DNAJC16: variants seen among roughly 807,000 people sequenced by gnomAD.
The protein encoded by DNAJC16 is DnaJ heat shock protein family (Hsp40) member C16.
Under a neutral mutation model 92.7 loss-of-function variants are expected in DNAJC16, and 76 were observed. That is an observed-to-expected ratio of 0.82 (90% CI 0.68 to 0.99). DNAJC16 has a LOEUF of 0.99. Among genes scored for constraint, DNAJC16 ranks in the 50% least tolerant of loss-of-function variants. DNAJC16 has a pLI of 0.00. For missense variants in DNAJC16, 869 were observed against 942.4 expected, an observed-to-expected ratio of 0.92 and a Z score of 1.02; for synonymous variants, 328 against 358.7, an observed-to-expected ratio of 0.91 and a Z score of 0.97.
chr1:15,528,952 C>A, intron 1 of DNAJC16, 136 bp from the exon 2 acceptor site: 1 of 648,228 alleles, frequency 1.5e-6, no homozygotes, highest in South Asian at 2.6e-5. Flanking sequence ...AGATACAGTT[C>A]AACAGCTTGA....
chr1:15,550,121 C>T lies in DNAJC16; in HGVS notation c.1023+1693C>T, dbSNP rs188318562. On this transcript the variant is annotated intron_variant, in intron 7 of 14. Transcript: ENST00000375847. ...CAAGGACAAAACTCAGAACAGCCACCGGCACACAAGACAAGGGGGTGCCTG... is the reference window on the plus strand; with the variant it reads ...CAAGGACAAAACTCAGAACAGCCACTGGCACACAAGACAAGGGGGTGCCTG... Among the ~76,000 whole-genome samples the T allele has an allele frequency of 1.2e-3, 181 of 152,182 alleles. 3 individuals are homozygous for T. In the South Asian group the frequency reaches 0.025, roughly 21 times the overall value.
chr1:15,549,698 C>T (rs1638398001), intron 7 of DNAJC16, among the ~76,000 whole-genome samples: 1 of 151,564 alleles, frequency 6.6e-6, no homozygotes, highest in Admixed American at 6.6e-5. Flanking sequence ...CCTGTAGTCC[C>T]AGCTACTCGG....
chr1:15,550,414 A>C (rs1051535691), intron 7 of DNAJC16, among the ~76,000 whole-genome samples: 28 of 152,368 alleles, frequency 1.8e-4, no homozygotes, highest in Non-Finnish European at 1.3e-4. Flanking sequence ...CTCAGTTTTC[A>C]CAACAGCAGG....
chr1:15,560,893 A>G (rs6689814), intron 8 of DNAJC16, among the ~76,000 whole-genome samples: 1,747 of 152,082 alleles, frequency 0.011, 40 homozygotes, highest in African/African-American at 0.039. Context: ...CTCCAGGCAG[A>G]TGTCCACACG....
In DNAJC16 at chr1:15,549,817, C is replaced by CAAA. The variant is rs777127254; in HGVS notation, c.1023+1408_1023+1410dup. 8.0e-4 allele frequency among the ~76,000 whole-genome samples: 45 copies of CAAA among 56,256 alleles called. 1 individual carries two copies. Among genetic ancestry groups the CAAA allele is most frequent in the African/African-American group, 2.8e-3 (45 of 16,256 alleles). 36.9% of individuals were successfully genotyped at this position (56,256 alleles called of 152,430 possible). A position where few individuals can be genotyped will look rare whatever the true frequency, so the allele number is the denominator to read the frequency against. On this transcript the variant is annotated intron_variant, in intron 7 of 14. Transcript: ENST00000375847. ...TGGGCGACAGAGCAAGACTCCGTCT[C>CAAA]AAAAAAAAAAAAAAAAAAAAAGATG...
intron 8 of DNAJC16, among the ~76,000 whole-genome samples, chr1:15,560,514 C>T (rs560780066): frequency 7.2e-5 from 11 of 152,244 alleles, no homozygotes; most frequent in South Asian, 2.1e-4. Flanking sequence ...ATTCATTACA[C>T]CTTCTCAGGT....
At position 15,564,266 on chromosome 1, in the gene DNAJC16, A is replaced by AT. The variant is rs765141971; in HGVS notation, c.1522-13dup. On this transcript the variant is annotated splice_polypyrimidine_tract_variant and intron_variant, in intron 10 of 14. Transcript: ENST00000375847. ...CCGGCTTTAGTCCTGACCATCATCC[A>AT]TTTTCTCTCTACATAGGTTTTTCTC... 6.3e-7 allele frequency: 1 copy of AT among 1,584,142 alleles called. No homozygotes were observed. Among genetic ancestry groups the AT allele is most frequent in the African/African-American group, 1.3e-5 (1 of 74,248 alleles).
chr1:15,561,998 T>G (rs909139750), intron 8 of DNAJC16, 144 bp from the exon 9 acceptor site: 1 of 679,022 alleles, frequency 1.5e-6, no homozygotes, highest in African/African-American at 1.8e-5. Context: ...AATCCTCCCT[T>G]AGTTGAAATG....
chr1:15,562,891 A>G (rs1638722025), intron 9 of DNAJC16, among the ~76,000 whole-genome samples: 1 of 150,534 alleles, frequency 6.6e-6, no homozygotes, highest in South Asian at 2.1e-4. Context: ...AAAGGTCATC[A>G]GTGCTTTTCA....
intron 6 of DNAJC16, 124 bp from the exon 7 acceptor site, chr1:15,548,146 C>T: frequency 1.2e-6 from 1 of 820,596 alleles, no homozygotes; most frequent in East Asian, 2.7e-5. Context: ...ATACGGAAGA[C>T]CTAGTGGAGC....
chr1:15,532,201 T>C (rs184613289), intron 2 of DNAJC16, among the ~76,000 whole-genome samples: 9 of 152,352 alleles, frequency 5.9e-5, no homozygotes, highest in African/African-American at 2.2e-4. Flanking sequence ...TTATTTTGTG[T>C]AATTCTTTGC....
At position 15,564,038 on chromosome 1, in the gene DNAJC16, A is replaced by G. The variant is rs1259071923; in HGVS notation, c.1448A>G (p.Asp483Gly). 3.1e-6 allele frequency: 5 copies of G among 1,613,680 alleles called. No individual in the cohort carries two copies. Among genetic ancestry groups the G allele is most frequent in the Admixed American group, 1.7e-5 (1 of 59,992 alleles). The change falls in exon 10 of 15, where the codon GAC becomes GGC. Residue 483 changes from aspartate (D) to glycine (G), a missense_variant. Physicochemically the swap from Asp to Gly is moderately conservative, Grantham distance 94. Coordinates refer to ENST00000375847, the MANE Select transcript of DNAJC16 (RefSeq NM_015291.4). ...AAATTTATCCTCTTGGGCTATCTCGACCAGCTGCGTAAAGATCCAGCTCTT... is the reference window on the plus strand; with the variant it reads ...AAATTTATCCTCTTGGGCTATCTCGGCCAGCTGCGTAAAGATCCAGCTCTT... ...SDKFILLGYL[D>G]QLRKDPALLS...
chr1:15,531,811 A>G (rs1437181948), intron 2 of DNAJC16, among the ~76,000 whole-genome samples: 1 of 152,194 alleles, frequency 6.6e-6, no homozygotes, highest in Non-Finnish European at 1.5e-5. Flanking sequence ...GGTTTTGGCT[A>G]TGACAATGCT....
chr1:15,545,152 C>T (rs1638267908), intron 5 of DNAJC16, among the ~76,000 whole-genome samples: 1 of 151,988 alleles, frequency 6.6e-6, no homozygotes, highest in Non-Finnish European at 1.5e-5. Flanking sequence ...CTATTATTTC[C>T]ATATTTAAGC....
chr1:15,540,967 C>A (rs992229824), intron 4 of DNAJC16, among the ~76,000 whole-genome samples: 1 of 152,126 alleles, frequency 6.6e-6, no homozygotes, highest in African/African-American at 2.4e-5. Flanking sequence ...AGTAAGAAGT[C>A]CAGGCTTTGT....
chr1:15,550,121 C>A (rs188318562), intron 7 of DNAJC16, among the ~76,000 whole-genome samples: 1 of 152,064 alleles, frequency 6.6e-6, no homozygotes. Flanking sequence ...GAACAGCCAC[C>A]GGCACACAAG....
intron 13 of DNAJC16, 181 bp from the exon 14 acceptor site, chr1:15,566,918 T>C: frequency 1.9e-6 from 1 of 519,010 alleles, no homozygotes; most frequent in Non-Finnish European, 3.4e-6. Flanking sequence ...GAAAGGCTGT[T>C]TGTAGGTCAG....
intron 7 of DNAJC16, among the ~76,000 whole-genome samples, chr1:15,554,903 A>G (rs563193731): frequency 6.1e-4 from 93 of 152,106 alleles, no homozygotes; most frequent in Non-Finnish European, 5.4e-4. Flanking sequence ...CAACCTTTGA[A>G]CATGATATAT....
At position 15,564,013 on chromosome 1, in the gene DNAJC16, AAATTTATCCTCTT is replaced by A. The variant is rs760914736; in HGVS notation, c.1424_1436del (p.Lys475ArgfsTer23). 178 of 1,614,092 alleles carry A rather than the reference AAATTTATCCTCTT, an allele frequency of 1.1e-4. No individual in the cohort carries two copies. Among genetic ancestry groups the A allele is most frequent in the Non-Finnish European group, 1.5e-4 (176 of 1,180,036 alleles). On this transcript the variant is annotated frameshift_variant, in exon 10 of 15. Transcript: ENST00000375847. LOFTEE classifies it high-confidence loss of function. ...CCCTTGGATTGGGAGTGAGAGTGAC[AAATTTATCCTCTT>A]GGGCTATCTCGACCAGCTGCGTAAA... is the stretch of plus-strand genomic sequence containing the variant.
Sources: gnomAD v4.1 joint callset for allele counts (sites outside exome capture counted in the v4.1 genomes callset) on GRCh38, gnomAD v4.1.1 for gene constraint, MANE v1.5 for transcripts, NCBI Gene and HGNC (gene_info 2026-07-23, HGNC 2026-07-21) for gene names.